CATSPERB: variants seen among roughly 807,000 people sequenced by gnomAD.
The protein encoded by CATSPERB is cation channel sperm-associated auxiliary subunit beta.
In CATSPERB, 93 loss-of-function variants were observed where a neutral mutation model predicts 128.3. That is an observed-to-expected ratio of 0.72 (90% CI 0.61 to 0.86). The LOEUF is 0.86. Among genes scored for constraint, CATSPERB ranks in the 40% least tolerant of loss-of-function variants. CATSPERB has a pLI of 0.00. For missense variants in CATSPERB, 1,153 were observed against 1,329.5 expected (o/e 0.87, Z 2.06); for synonymous variants, 381 against 448.8 (o/e 0.85, Z 1.91).
At chr14:91,673,817 AG>A (rs1331496844) in intron 12 of CATSPERB, among the ~76,000 whole-genome samples, 1 of 151,628 alleles carries the variant, frequency 6.6e-6, no homozygotes, top group African/African-American at 2.4e-5. Flanking sequence ...TGGGAGGCAG[AG>A]GTTGCAGTGA....
At chr14:91,687,157 A>G (rs1278559872) in intron 10 of CATSPERB, among the ~76,000 whole-genome samples, 1 of 152,224 alleles carries the variant, frequency 6.6e-6, no homozygotes, top group African/African-American at 2.4e-5. Flanking sequence ...ACAGGGAAAA[A>G]TCAGGGTGAA....
rs1595138326 is a variant in CATSPERB at position 91,594,492 on chromosome 14, A to C, written c.2710-2490T>G. 3.3e-5 allele frequency among the ~76,000 whole-genome samples: 5 copies of C among 152,176 alleles called. No homozygotes were observed. The South Asian group carries it at 1.0e-3, about 32-fold the overall frequency. ...TAAAGTATAATAATAATAAAAGAAA[A>C]AAAAAAAAAGAAGTGCCTTTTGAAC... is the stretch of plus-strand genomic sequence containing the variant. On this transcript the variant is annotated intron_variant, in intron 22 of 26. Coordinates refer to ENST00000256343, the MANE Select transcript of CATSPERB (RefSeq NM_024764.4).
chr14:91,693,201 A>G lies in CATSPERB; in HGVS notation c.756T>C (p.His252=). 2 of 1,613,960 alleles carry G rather than the reference A, an allele frequency of 1.2e-6. No homozygotes were observed. The highest frequency in any genetic ancestry group is 1.7e-6 in the Non-Finnish European group (2 of 1,179,860). ...LSLVDMVLTN[H]FLVILTSLGL... ...CCAAAGAGGTGAGGATAACTAAAAA[A>G]TGATTCGTTAAAACCATATCCACCA... Residue 252 remains histidine, a synonymous_variant, in exon 9 of 27, where the codon CAT becomes CAC. Transcript: ENST00000256343.
In CATSPERB at chr14:91,708,155, A is replaced by G. The variant is rs1259192882; in HGVS notation, c.452T>C (p.Leu151Ser). The change falls in exon 6 of 27, where the codon TTG becomes TCG. Residue 151 changes from leucine (L) to serine (S), a missense_variant. By Grantham distance (145) the Leu-to-Ser change is moderately radical. Transcript: ENST00000256343. ...LNIYATEGTL[L>S]DVIREPILQW... ...TTGGCATTTACCTCGAATAACATCCAATAGAGTTCCTTCAGTAGCATAAAT... is the reference window on the plus strand; with the variant it reads ...TTGGCATTTACCTCGAATAACATCCGATAGAGTTCCTTCAGTAGCATAAAT... 1.9e-6 allele frequency: 3 copies of G among 1,608,506 alleles called. No individual in the cohort carries two copies. In the East Asian group the frequency reaches 6.7e-5, roughly 36 times the overall value.
intron 17 of CATSPERB, among the ~76,000 whole-genome samples, chr14:91,632,741 T>G (rs1382282806): frequency 6.6e-6 from 1 of 152,040 alleles, no homozygotes; most frequent in Non-Finnish European, 1.5e-5. Context: ...ATATTAATAC[T>G]GCATTAAATA....
At chr14:91,599,475 C>T (rs537326710) in intron 22 of CATSPERB, among the ~76,000 whole-genome samples, 6 of 140,396 alleles carry the variant, frequency 4.3e-5, no homozygotes, top group East Asian at 2.1e-4. Context: ...AGGAGAATGG[C>T]GTGAACCTGG....
intron 26 of CATSPERB, among the ~76,000 whole-genome samples, chr14:91,585,164 G>A (rs965911196): frequency 6.6e-5 from 10 of 151,838 alleles, no homozygotes; most frequent in Non-Finnish European, 1.2e-4. Flanking sequence ...CTACAGGTGT[G>A]TGCCTCCATG....
chr14:91,701,315 C>T (rs996608005), intron 7 of CATSPERB, among the ~76,000 whole-genome samples: 1 of 152,130 alleles, frequency 6.6e-6, no homozygotes, highest in African/African-American at 2.4e-5. Flanking sequence ...GCAAAGACAA[C>T]AACCCTCACC....
rs2139777600 is a variant in CATSPERB, at chr14:91,719,418, C to T, written c.370G>A (p.Asp124Asn). 2 of 1,608,544 alleles carry T rather than the reference C, an allele frequency of 1.2e-6. No homozygotes were observed. Among genetic ancestry groups the T allele is most frequent in the Middle Eastern group, 1.7e-4 (1 of 6,042 alleles). Residue 124 changes from aspartate to asparagine, a missense_variant and splice_region_variant, in exon 5 of 27, where the codon GAT (aspartate) becomes AAT (asparagine). Asp to Asn is a conservative substitution (Grantham distance 23). Coordinates refer to ENST00000256343, the MANE Select transcript of CATSPERB (RefSeq NM_024764.4). The part of the protein sequence containing the change: ...IPRENITQST[D>N]IAAVEEWLVR... ...AAGAATTAATTCAGATCACTCTTAC[C>T]TGTGCTTTGTGTGATGTTTTCTCTA...
intron 14 of CATSPERB, among the ~76,000 whole-genome samples, chr14:91,664,881 C>T (rs1193998085): frequency 6.6e-6 from 1 of 152,142 alleles, no homozygotes; most frequent in Non-Finnish European, 1.5e-5. Context: ...AATCAAAACA[C>T]ACATAAATTG....
rs149037988 is a variant in CATSPERB at position 91,610,481 on chromosome 14, G to A, written c.2597C>T (p.Pro866Leu). Reference sequence around the variant, plus strand: ...ATATACTTAGATTTTTTTTTTTACCGGCAAAGTTTTGATGAGGTTAAAACC... The same window carrying A: ...ATATACTTAGATTTTTTTTTTTACCAGCAAAGTTTTGATGAGGTTAAAACC... ...SQGFNLIKTL[P>L]INYRPPSNMG... Residue 866 changes from proline to leucine, a missense_variant and splice_region_variant, in exon 21 of 27, where the codon CCG (proline) becomes CTG (leucine). Transcript: ENST00000256343. 331 of 1,594,672 alleles carry A rather than the reference G, an allele frequency of 2.1e-4. No individual in the cohort carries two copies. In the African/African-American group the frequency reaches 3.9e-3, roughly 19 times the overall value.
intron 5 of CATSPERB, chr14:91,715,243 T>G (rs1285622678): frequency 6.6e-6 from 1 of 152,154 alleles, no homozygotes; most frequent in East Asian, 1.9e-4. Context: ...TCTTCATGGT[T>G]TGGAAGACTC....
At chr14:91,583,076 G>A (rs1893234472) in intron 26 of CATSPERB, among the ~76,000 whole-genome samples, 1 of 152,196 alleles carries the variant, frequency 6.6e-6, no homozygotes, top group Non-Finnish European at 1.5e-5. Flanking sequence ...TGCCTTCCTT[G>A]TTCATTTCTG....
chr14:91,704,440 G>A, intron 7 of CATSPERB, 112 bp downstream of exon 7: 2 of 1,113,484 alleles, frequency 1.8e-6, no homozygotes, highest in Non-Finnish European at 2.5e-6. Context: ...GGTATTTTTA[G>A]GAAACAATTT....
In CATSPERB at chr14:91,636,426, C is replaced by T; in HGVS notation, c.1741G>A (p.Gly581Arg). 1 of 1,613,704 alleles carries T rather than the reference C, an allele frequency of 6.2e-7. No homozygotes were observed. The highest frequency in any genetic ancestry group is 1.1e-5 in the South Asian group (1 of 91,032). Residue 581 changes from glycine to arginine, a missense_variant and splice_region_variant, in exon 17 of 27, where the codon GGG becomes AGG. By Grantham distance (125) the Gly-to-Arg change is moderately radical. Transcript: ENST00000256343. ...NIHYGKVIHS[G>R]KTGRAYIRKV... is the part of the protein sequence containing the mutation. ...ATCTAAATAAATGCATATCACTACC[C>T]AGAGTGTATCACTTTTCCATAGTGT...
chr14:91,656,348 A>G (rs1363226078), intron 15 of CATSPERB, among the ~76,000 whole-genome samples: 1 of 152,172 alleles, frequency 6.6e-6, no homozygotes, highest in Non-Finnish European at 1.5e-5. Context: ...AAACTAAAAG[A>G]TAAACTGATC....
chr14:91,594,530 C>G (rs1016513998), intron 22 of CATSPERB, among the ~76,000 whole-genome samples: 3 of 151,188 alleles, frequency 2.0e-5, no homozygotes, highest in Non-Finnish European at 4.4e-5. Context: ...TGCCATGATT[C>G]TGAGGCCTCC....
intron 1 of CATSPERB, among the ~76,000 whole-genome samples, chr14:91,730,701 A>G (rs549338615): frequency 1.4e-4 from 21 of 152,336 alleles, no homozygotes; most frequent in African/African-American, 5.1e-4. Flanking sequence ...TGCCAACTCT[A>G]AGTGGAATAA....
At chr14:91,683,211 C>T (rs773572657) in intron 11 of CATSPERB, among the ~76,000 whole-genome samples, 7 of 152,144 alleles carry the variant, frequency 4.6e-5, no homozygotes, top group East Asian at 3.8e-4. Context: ...ATAATGCTCC[C>T]GCAAATTCCT....
Sources: gnomAD v4.1 joint callset for allele counts (sites outside exome capture counted in the v4.1 genomes callset) on GRCh38, gnomAD v4.1.1 for gene constraint, MANE v1.5 for transcripts, NCBI Gene and HGNC (gene_info 2026-07-23, HGNC 2026-07-21) for gene names.